The following TTC1 variants were observed in gnomAD, a reference collection of about 807,000 sequenced individuals.
TTC1 encodes tetratricopeptide repeat protein 1.
In TTC1, 31 loss-of-function variants were observed where a neutral mutation model predicts 37.6. The observed-to-expected ratio is 0.82, with a 90% CI of 0.62 to 1.11. The LOEUF is 1.11. TTC1 is among the 50% of genes most tolerant of loss of function. The pLI, the probability that TTC1 is intolerant of heterozygous loss-of-function variation, is 0.00. For synonymous variants in TTC1, 127 were observed against 122.4 expected, an observed-to-expected ratio of 1.04 and a Z score of -0.25; for missense variants, 351 against 339.0, an observed-to-expected ratio of 1.04 and a Z score of -0.28.
At chr5:160,054,914 G>A (rs1457038009) in intron 7 of TTC1, among the ~76,000 whole-genome samples, 1 of 152,218 alleles carries the variant, frequency 6.6e-6, no homozygotes, top group African/African-American at 2.4e-5. Flanking sequence ...CAGCTACCCT[G>A]AAGCTCCTCT....
chr5:160,016,700 ATTACT>A (rs1359071512), intron 2 of TTC1, among the ~76,000 whole-genome samples: 1 of 152,208 alleles, frequency 6.6e-6, no homozygotes, highest in African/African-American at 2.4e-5. Context: ...ATAAAAATTG[ATTACT>A]TTACAACCAA....
intron 2 of TTC1, among the ~76,000 whole-genome samples, chr5:160,027,081 T>C (rs1017698430): frequency 6.6e-6 from 1 of 151,650 alleles, no homozygotes; most frequent in African/African-American, 2.4e-5. Context: ...CAGGCTGGAG[T>C]ACAGGGGTGC....
At chr5:160,027,474 G>A (rs1334612171) in intron 2 of TTC1, among the ~76,000 whole-genome samples, 1 of 152,168 alleles carries the variant, frequency 6.6e-6, no homozygotes, top group Non-Finnish European at 1.5e-5. Context: ...ACCACTGAGT[G>A]TCATAATTAC....
intron 2 of TTC1, among the ~76,000 whole-genome samples, chr5:160,011,746 G>T (rs757835513): frequency 6.6e-6 from 1 of 152,184 alleles, no homozygotes; most frequent in Non-Finnish European, 1.5e-5. Flanking sequence ...CACAAGCAAG[G>T]TAGTCTCTGA....
chr5:160,041,034 A>C (rs905866945), intron 4 of TTC1, among the ~76,000 whole-genome samples: 3 of 151,954 alleles, frequency 2.0e-5, no homozygotes, highest in Admixed American at 6.6e-5. Context: ...GATCAGGAGC[A>C]TCAGTATCAC....
chr5:160,044,213 C>T (rs563864785), intron 5 of TTC1, among the ~76,000 whole-genome samples: 6 of 152,226 alleles, frequency 3.9e-5, no homozygotes, highest in African/African-American at 1.2e-4. Context: ...TCCCCTGTCA[C>T]GCTAAGCATA....
intron 2 of TTC1, among the ~76,000 whole-genome samples, chr5:160,029,870 C>T (rs1038383747): frequency 6.6e-6 from 1 of 152,158 alleles, no homozygotes; most frequent in Non-Finnish European, 1.5e-5. Flanking sequence ...TCCTAGAGAA[C>T]TCAGTACCTG....
At chr5:160,038,102 A>G (rs752648322) in intron 4 of TTC1, among the ~76,000 whole-genome samples, 31 of 151,810 alleles carry the variant, frequency 2.0e-4, no homozygotes, top group Non-Finnish European at 5.9e-5. Flanking sequence ...TTTTTTTACC[A>G]GAACTTGTGT....
At position 160,035,203 on chromosome 5, in the gene TTC1, A is replaced by G. The variant is rs1372225679; in HGVS notation, c.391+3A>G. On this transcript the variant is annotated splice_donor_region_variant and intron_variant, in intron 3 of 7. Coordinates refer to ENST00000231238, the MANE Select transcript of TTC1 (RefSeq NM_003314.3). Reference sequence around the variant, plus strand: ...AAATGAACAGTTTAAGAAAGGAGGTAAGACGACTTTCAGCACTGATAATCT... The same window carrying G: ...AAATGAACAGTTTAAGAAAGGAGGTGAGACGACTTTCAGCACTGATAATCT... 6.2e-7 allele frequency: 1 copy of G among 1,602,416 alleles called. No homozygotes were observed.
chr5:160,062,028 G>C (rs1203023492), intron 7 of TTC1: 1 of 152,432 alleles, frequency 6.6e-6, no homozygotes, highest in East Asian at 1.9e-4. Flanking sequence ...GCTGGAAGCA[G>C]CAGGTGGGAA....
At chr5:160,060,878 C>T (rs977915161) in intron 7 of TTC1, among the ~76,000 whole-genome samples, 2 of 152,204 alleles carry the variant, frequency 1.3e-5, no homozygotes, top group Non-Finnish European at 2.9e-5. Flanking sequence ...CTTCAGAGCC[C>T]ATCTACCCAA....
intron 5 of TTC1, 85 bp downstream of exon 5, chr5:160,043,254 C>A: frequency 7.1e-7 from 1 of 1,405,938 alleles, no homozygotes; most frequent in Non-Finnish European, 9.8e-7. Flanking sequence ...TGCACTTGTA[C>A]ATGTGTACCC....
intron 5 of TTC1, among the ~76,000 whole-genome samples, chr5:160,045,453 TCCACACACAC>T (rs1757191332): frequency 2.9e-5 from 1 of 33,960 alleles, no homozygotes; most frequent in Admixed American, 2.9e-4. Flanking sequence ...TCCCCCACCC[TCCACACACAC>T]ACACACACAC....
intron 2 of TTC1, among the ~76,000 whole-genome samples, chr5:160,024,759 G>A (rs1339836338): frequency 1.3e-5 from 2 of 151,930 alleles, no homozygotes; most frequent in African/African-American, 4.8e-5. Flanking sequence ...AAGAGTAACA[G>A]TAATAATAAT....
intron 7 of TTC1, among the ~76,000 whole-genome samples, chr5:160,062,828 GTCCTCTTTT>G (rs1753464081): frequency 6.6e-6 from 1 of 151,266 alleles, no homozygotes; most frequent in African/African-American, 2.4e-5. Flanking sequence ...CCCCCTTCCT[GTCCTCTTTT>G]TCCAACCCCA....
chr5:160,038,535 A>G (rs772405292), intron 4 of TTC1, among the ~76,000 whole-genome samples: 1 of 151,990 alleles, frequency 6.6e-6, no homozygotes, highest in East Asian at 1.9e-4. Flanking sequence ...AGGAAAATGT[A>G]TGGTCTTGTT....
At chr5:160,049,797 G>T in intron 6 of TTC1, 135 bp downstream of exon 6, 2 of 779,122 alleles carry the variant, frequency 2.6e-6, no homozygotes, top group Non-Finnish European at 3.7e-6. Flanking sequence ...TATATGGGAG[G>T]CCAGGCGCAG....
At chr5:160,016,488 A>G (rs1401082570) in intron 2 of TTC1, among the ~76,000 whole-genome samples, 3 of 152,226 alleles carry the variant, frequency 2.0e-5, no homozygotes, top group Non-Finnish European at 4.4e-5. Flanking sequence ...GTTATACAAC[A>G]GTGATGATTT....
intron 5 of TTC1, 115 bp downstream of exon 5, chr5:160,043,284 GA>G: frequency 2.1e-6 from 2 of 970,902 alleles, no homozygotes; most frequent in Non-Finnish European, 3.1e-6. Flanking sequence ...GGCCTTGCAA[GA>G]GGCAACTTTA....
Sources: gnomAD v4.1 joint callset for allele counts (sites outside exome capture counted in the v4.1 genomes callset) on GRCh38, gnomAD v4.1.1 for gene constraint, MANE v1.5 for transcripts, NCBI Gene and HGNC (gene_info 2026-07-23, HGNC 2026-07-21) for gene names.